The following CA10 variants were observed in gnomAD, a reference collection of about 807,000 sequenced individuals.
The protein encoded by CA10 is carbonic anhydrase-related protein 10.
In CA10, 14 loss-of-function variants were observed where a neutral mutation model predicts 44.2. The observed-to-expected ratio is 0.32, with a 90% CI of 0.21 to 0.50. The LOEUF (loss-of-function observed/expected upper bound fraction) is 0.50. CA10 is among the 20% of genes least tolerant of loss of function. CA10 has a pLI of 0.99. For synonymous variants in CA10, 159 were observed against 141.6 expected, an observed-to-expected ratio of 1.12 and a Z score of -0.87; for missense variants, 350 against 409.7, an observed-to-expected ratio of 0.85 and a Z score of 1.26.
chr17:52,134,819 A>T (rs553274468), intron 1 of CA10: 9 of 515,398 alleles, frequency 1.7e-5, no homozygotes, highest in Non-Finnish European at 3.5e-5. Context: ...GGCACCATGG[A>T]TGTCACTGCC....
At chr17:52,026,353 C>A (rs570886619) in intron 2 of CA10, among the ~76,000 whole-genome samples, 1 of 152,282 alleles carries the variant, frequency 6.6e-6, no homozygotes, top group South Asian at 2.1e-4. Context: ...TTTCCTCTCT[C>A]ATACAACTCC....
chr17:51,951,113 A>T (rs1983465377), intron 2 of CA10, among the ~76,000 whole-genome samples: 2 of 152,136 alleles, frequency 1.3e-5, no homozygotes, highest in Admixed American at 6.6e-5. Flanking sequence ...CATATCCCTG[A>T]TTATTTTCAA....
chr17:51,781,427 G>GT (rs1260648261), intron 3 of CA10, among the ~76,000 whole-genome samples: 2 of 152,154 alleles, frequency 1.3e-5, no homozygotes, highest in African/African-American at 2.4e-5. Flanking sequence ...AAGGTGTTTT[G>GT]TTTTTTCCAG....
At chr17:51,652,008 C>A (rs972589211) in intron 5 of CA10, among the ~76,000 whole-genome samples, 2 of 152,188 alleles carry the variant, frequency 1.3e-5, no homozygotes, top group African/African-American at 4.8e-5. Flanking sequence ...TTATGAGTAG[C>A]ATGGGGTTGT....
intron 1 of CA10, among the ~76,000 whole-genome samples, chr17:52,092,642 C>A (rs1988297910): frequency 6.6e-6 from 1 of 152,152 alleles, no homozygotes; most frequent in Non-Finnish European, 1.5e-5. Flanking sequence ...TCCATCCTTC[C>A]CACCTCCATT....
chr17:51,852,571 G>C (rs765121375), intron 3 of CA10, among the ~76,000 whole-genome samples: 1 of 152,138 alleles, frequency 6.6e-6, no homozygotes, highest in Non-Finnish European at 1.5e-5. Flanking sequence ...AAGTCACACA[G>C]CTGAAATTTA....
chr17:51,817,931 T>A (rs1177208855), intron 3 of CA10, among the ~76,000 whole-genome samples: 2 of 152,236 alleles, frequency 1.3e-5, no homozygotes, highest in African/African-American at 4.8e-5. Context: ...GCTGGAATTG[T>A]AACCTAGCTT....
At chr17:51,822,493 C>T (rs532915008) in intron 3 of CA10, among the ~76,000 whole-genome samples, 12 of 152,272 alleles carry the variant, frequency 7.9e-5, no homozygotes, top group African/African-American at 2.4e-4. Flanking sequence ...CACACTCACT[C>T]ATTATTACTA....
At chr17:52,116,562 G>A (rs979633574) in intron 1 of CA10, among the ~76,000 whole-genome samples, 8 of 152,072 alleles carry the variant, frequency 5.3e-5, no homozygotes, top group South Asian at 2.1e-4. Flanking sequence ...ACTGGGATTC[G>A]GGAATAAAAA....
At position 52,020,794 on chromosome 17, in the gene CA10, C is replaced by A. The variant is rs1986114416; in HGVS notation, c.136+51525G>T. ...AGTACCCAATAAATAGTTTTTCAAC[C>A]CTTGCCCCATCCTTCTTTACCCCCT... On this transcript the variant is annotated intron_variant, in intron 2 of 8. Transcript: ENST00000451037. Among the ~76,000 whole-genome samples, 3 of 152,032 alleles carry A rather than the reference C, an allele frequency of 2.0e-5. No homozygotes were observed. The South Asian group carries it at 6.2e-4, about 31-fold the overall frequency.
intron 3 of CA10, among the ~76,000 whole-genome samples, chr17:51,782,427 T>C (rs767610779): frequency 6.6e-6 from 1 of 152,206 alleles, no homozygotes; most frequent in Non-Finnish European, 1.5e-5. Context: ...GGGATCTTCA[T>C]GGAGAAAACA....
chr17:51,734,099 A>G (rs1210182803), intron 4 of CA10, among the ~76,000 whole-genome samples: 1 of 147,162 alleles, frequency 6.8e-6, no homozygotes, highest in Admixed American at 6.8e-5. Context: ...TTACTTTTTC[A>G]TCAAATGTCT....
At chr17:51,749,472 G>C (rs537203184) in intron 3 of CA10, among the ~76,000 whole-genome samples, 1 of 152,196 alleles carries the variant, frequency 6.6e-6, no homozygotes, top group Non-Finnish European at 1.5e-5. Context: ...CCGTCTAGAC[G>C]GGCTACTCTG....
At chr17:51,971,746 G>A (rs1165147840) in intron 2 of CA10, among the ~76,000 whole-genome samples, 1 of 151,938 alleles carries the variant, frequency 6.6e-6, no homozygotes, top group Non-Finnish European at 1.5e-5. Context: ...ATAGTGTCCT[G>A]TGTTAATAAA....
chr17:51,739,255 G>A (rs1198628012), intron 4 of CA10, among the ~76,000 whole-genome samples: 1 of 152,018 alleles, frequency 6.6e-6, no homozygotes, highest in African/African-American at 2.4e-5. Flanking sequence ...CTAGTTCACG[G>A]AAATGTTGTG....
chr17:51,981,997 C>T (rs1189897501), intron 2 of CA10, among the ~76,000 whole-genome samples: 4 of 152,018 alleles, frequency 2.6e-5, no homozygotes, highest in African/African-American at 4.8e-5. Flanking sequence ...AGTTAAGGCA[C>T]ACTTGGAAAA....
At chr17:51,961,921 A>AG (rs1284408472) in intron 2 of CA10, among the ~76,000 whole-genome samples, 1 of 152,106 alleles carries the variant, frequency 6.6e-6, no homozygotes, top group Non-Finnish European at 1.5e-5. Flanking sequence ...TTTCCTGCAC[A>AG]GAAATCATGG....
chr17:52,056,300 C>T (rs552766050), intron 2 of CA10, among the ~76,000 whole-genome samples: 26 of 152,056 alleles, frequency 1.7e-4, no homozygotes, highest in South Asian at 4.1e-4. Flanking sequence ...AAGAAGGCAG[C>T]TTGCAGGGCA....
chr17:51,849,562 T>C (rs1005921258), intron 3 of CA10, among the ~76,000 whole-genome samples: 15 of 152,092 alleles, frequency 9.9e-5, no homozygotes, highest in African/African-American at 3.6e-4. Context: ...CCTTGGTCAA[T>C]GTATTTAATC....
Sources: allele counts gnomAD v4.1 joint callset (sites outside exome capture counted in the v4.1 genomes callset), GRCh38; gene constraint gnomAD v4.1.1; transcripts MANE v1.5; gene names NCBI Gene and HGNC (gene_info 2026-07-23, HGNC 2026-07-21).